Variants in SPATA13 observed in about 807,000 individuals in gnomAD.
The protein encoded by SPATA13 is spermatogenesis associated 13, also known as spermatogenesis-associated protein 13.
Under a neutral mutation model 104.0 loss-of-function variants are expected in SPATA13, and 50 were observed. That is an observed-to-expected ratio of 0.48 (90% CI 0.38 to 0.61). SPATA13 has a LOEUF of 0.61. Ranked by LOEUF, SPATA13 falls within the 20% of genes least tolerant of loss-of-function variation. The pLI, the probability that SPATA13 is intolerant of heterozygous loss-of-function variation, is 0.00. For missense variants in SPATA13, 1,524 were observed against 1,690.6 expected (o/e 0.90, Z 1.73); for synonymous variants, 606 against 667.5 (o/e 0.91, Z 1.42).
intron 4 of SPATA13, among the ~76,000 whole-genome samples, chr13:24,280,689 C>T (rs1875435229): frequency 6.6e-6 from 1 of 152,024 alleles, no homozygotes; most frequent in Non-Finnish European, 1.5e-5. Context: ...AGTTCTTGGG[C>T]CTCGTGGTCT....
chr13:24,114,153 G>A (rs1880747910), intron 3 of SPATA13, among the ~76,000 whole-genome samples: 1 of 152,212 alleles, frequency 6.6e-6, no homozygotes, highest in South Asian at 2.1e-4. Context: ...ATTCAGATGT[G>A]CTACAAGGTG....
At chr13:24,053,142 T>C (rs1307630054) in intron 3 of SPATA13, among the ~76,000 whole-genome samples, 2 of 152,082 alleles carry the variant, frequency 1.3e-5, no homozygotes, top group Non-Finnish European at 2.9e-5. Context: ...GTTTTAGATA[T>C]AAAGCATCAA....
chr13:24,191,501 C>CTTTTT (rs57437676), intron 1 of SPATA13, among the ~76,000 whole-genome samples: 3 of 67,486 alleles, frequency 4.4e-5, no homozygotes, highest in East Asian at 5.4e-4. Flanking sequence ...ACATTGCTTT[C>CTTTTT]TTTTTTTTTT....
chr13:23,992,242 T>C (rs1390790043), intron 2 of SPATA13, among the ~76,000 whole-genome samples: 1 of 152,180 alleles, frequency 6.6e-6, no homozygotes, highest in Admixed American at 6.5e-5. Context: ...GAGGTCTGAG[T>C]CTAGCTTTGT....
At chr13:24,192,549 C>A (rs1167368941) in intron 1 of SPATA13, among the ~76,000 whole-genome samples, 2 of 152,188 alleles carry the variant, frequency 1.3e-5, no homozygotes, top group Non-Finnish European at 2.9e-5. Flanking sequence ...TCACTCCAGA[C>A]ATCTTGAGAG....
intron 2 of SPATA13, chr13:24,017,564 A>G (rs1593278955): frequency 4.4e-6 from 2 of 453,722 alleles, no homozygotes; most frequent in Non-Finnish European, 5.8e-6. Context: ...GTTTACATAT[A>G]TTTTTTAGAT....
At chr13:23,981,696 A>G (rs944872244) in intron 1 of SPATA13, among the ~76,000 whole-genome samples, 4 of 152,194 alleles carry the variant, frequency 2.6e-5, no homozygotes, top group African/African-American at 9.7e-5. Flanking sequence ...GGAGTCCAGC[A>G]CTCAGAGAAG....
intron 3 of SPATA13, among the ~76,000 whole-genome samples, chr13:24,134,813 C>G (rs531194391): frequency 6.6e-6 from 1 of 152,082 alleles, no homozygotes; most frequent in Non-Finnish European, 1.5e-5. Context: ...GAATGTGTCC[C>G]CCAAAATTTT....
chr13:24,286,103 T>C lies in SPATA13; in HGVS notation c.2302-111T>C. The C allele has an allele frequency of 9.8e-7, 1 of 1,019,334 alleles. No individual in the cohort carries two copies. Among genetic ancestry groups the C allele is most frequent in the South Asian group, 1.7e-5 (1 of 57,724 alleles). 63.1% of individuals were successfully genotyped at this position (1,019,334 alleles called of 1,614,324 possible). On this transcript the variant is annotated intron_variant, in intron 5 of 12. Transcript: ENST00000382108. The surrounding 1 kb of genome is among the most constrained non-coding windows in gnomAD (Gnocchi z 4.9). The stretch of plus-strand genomic sequence containing the variant: ...CAGTGTGGACCAAATGCCACCAGCA[T>C]ATCCAAGTGAGAGGATACCAGTGTC...
intron 1 of SPATA13, among the ~76,000 whole-genome samples, chr13:24,180,920 T>C (rs1220526007): frequency 1.3e-5 from 2 of 152,200 alleles, no homozygotes; most frequent in African/African-American, 4.8e-5. Flanking sequence ...TACACAAAGC[T>C]AGATGGTACA....
At position 24,305,145 on chromosome 13, in the gene SPATA13, C is replaced by T. The variant is rs1877493690; in HGVS notation, c.*2372C>T. The stretch of plus-strand genomic sequence containing the variant: ...GTTTAAGAGTCATTCTTAGGACTTC[C>T]ATTTCCTAATATTTATTCATGGGTA... On this transcript the variant is annotated 3_prime_UTR_variant, in exon 13 of 13. Transcript: ENST00000382108. 1.3e-5 allele frequency: 2 copies of T among 151,864 alleles called. No homozygotes were observed. Among genetic ancestry groups the T allele is most frequent in the Non-Finnish European group, 2.9e-5 (2 of 67,916 alleles). The allele number at this position is 151,864 out of a possible 1,614,324, so 9.4% of individuals were successfully genotyped here.
Position 24,143,381 on chromosome 13 carries a change from TG to T in SPATA13, c.-111-79436del, listed in dbSNP as rs537194497. 2.5e-4 allele frequency among the ~76,000 whole-genome samples: 38 copies of T among 152,336 alleles called. No homozygotes were observed. In the South Asian group the frequency reaches 7.9e-3, roughly 32 times the overall value. ...TAAAGTAAAAATCCTAAGTAGTACC[TG>T]GAGCAGGGTTGCAAGGGGAAGGCAT... On this transcript the variant is annotated intron_variant, in intron 3 of 14. Transcript: ENST00000424834.
chr13:24,299,184 G>A (rs182975621), intron 11 of SPATA13, among the ~76,000 whole-genome samples: 1 of 152,344 alleles, frequency 6.6e-6, no homozygotes, highest in Admixed American at 6.5e-5. Context: ...CTGTAAGTCA[G>A]AGTGTTTGGA....
intron 2 of SPATA13, among the ~76,000 whole-genome samples, chr13:24,239,965 G>T (rs760241111): frequency 1.3e-5 from 2 of 151,718 alleles, no homozygotes; most frequent in African/African-American, 4.9e-5. Context: ...TTCATAATAT[G>T]ATGACTTTAA....
chr13:24,002,565 T>C (rs4769303), intron 2 of SPATA13, among the ~76,000 whole-genome samples: 72,917 of 151,814 alleles, frequency 0.48, 17,887 homozygotes, highest in East Asian at 0.7. Context: ...GGGGTGAGTG[T>C]GTTGGTCTTT....
At chr13:24,153,728 A>G (rs1197963654) in intron 3 of SPATA13, among the ~76,000 whole-genome samples, 1 of 152,216 alleles carries the variant, frequency 6.6e-6, no homozygotes, top group Non-Finnish European at 1.5e-5. Context: ...ACACAGGAGA[A>G]CAGAGTCTAA....
chr13:24,190,808 A>C lies in SPATA13; in HGVS notation c.-112+29876A>C, dbSNP rs150640204. 2.7e-3 allele frequency among the ~76,000 whole-genome samples: 416 copies of C among 152,308 alleles called. 3 individuals are homozygous for C. Among genetic ancestry groups the C allele is most frequent in the African/African-American group, 9.6e-3 (399 of 41,550 alleles). Reference sequence around the variant, plus strand: ...AACAAAGGATTTAGAATATTACATAAATTTAATTGATAAAGCAGTAGCAGG... The same window carrying C: ...AACAAAGGATTTAGAATATTACATACATTTAATTGATAAAGCAGTAGCAGG... On this transcript the variant is annotated intron_variant, in intron 1 of 12. Coordinates refer to ENST00000382108, the MANE Select transcript of SPATA13 (RefSeq NM_001166271.3).
chr13:24,285,940 C>A (rs960942506), intron 5 of SPATA13, among the ~76,000 whole-genome samples: 1 of 152,182 alleles, frequency 6.6e-6, no homozygotes, highest in Non-Finnish European at 1.5e-5. Context: ...CTTGGCCTCC[C>A]AAAGTGCTGG....
intron 1 of SPATA13, among the ~76,000 whole-genome samples, chr13:24,183,019 C>G (rs1868911057): frequency 6.6e-6 from 1 of 152,138 alleles, no homozygotes; most frequent in Non-Finnish European, 1.5e-5. Flanking sequence ...CTGAGGATAT[C>G]TGCTTACATA....
Sources: gnomAD v4.1 joint callset for allele counts (sites outside exome capture counted in the v4.1 genomes callset) on GRCh38, gnomAD v4.1.1 for gene constraint, Gnocchi (gnomAD v3.1) non-coding constraint, MANE v1.5 for transcripts, NCBI Gene and HGNC (gene_info 2026-07-23, HGNC 2026-07-21) for gene names.